TJP1: variants seen among roughly 807,000 people sequenced by gnomAD.
TJP1 encodes tight junction protein 1.
A neutral mutation model predicts 194.2 loss-of-function variants in TJP1; 43 were observed. The observed-to-expected ratio is 0.22, with a 90% confidence interval of 0.17 to 0.29. The LOEUF is 0.29. Ranked by LOEUF, TJP1 falls within the 10% of genes least tolerant of loss-of-function variation. The pLI is 1.00. For synonymous variants in TJP1, 801 were observed against 779.0 expected, an observed-to-expected ratio of 1.03 and a Z score of -0.47; for missense variants, 1,971 against 2,185.7, an observed-to-expected ratio of 0.90 and a Z score of 1.96.
chr15:29,850,729 C>G (rs534452343), intron 2 of TJP1, among the ~76,000 whole-genome samples: 2 of 152,162 alleles, frequency 1.3e-5, no homozygotes, highest in South Asian at 4.2e-4. Context: ...CACCTGCAAT[C>G]CCAGCACTTT....
At chr15:29,922,617 G>T (rs989892686) in intron 2 of TJP1, among the ~76,000 whole-genome samples, 1 of 152,114 alleles carries the variant, frequency 6.6e-6, no homozygotes, top group Non-Finnish European at 1.5e-5. Context: ...ATTGAGGGTT[G>T]TAAGTTTCTT....
intron 1 of TJP1, among the ~76,000 whole-genome samples, chr15:29,816,373 G>C (rs1353927038): frequency 6.6e-6 from 1 of 152,012 alleles, no homozygotes; most frequent in Non-Finnish European, 1.5e-5. Flanking sequence ...ATATAACCTG[G>C]GGGGGAAGAA....
At chr15:29,792,526 A>C (rs1259113994) in intron 2 of TJP1, among the ~76,000 whole-genome samples, 1 of 152,200 alleles carries the variant, frequency 6.6e-6, no homozygotes, top group East Asian at 1.9e-4. Flanking sequence ...ATGTAATGTG[A>C]TTCCTTCAGT....
Position 29,740,027 on chromosome 15 carries a change from A to G in TJP1, c.1256+1304T>C, listed in dbSNP as rs187936221. Among the ~76,000 whole-genome samples, 4 of 151,486 alleles carry G rather than the reference A, an allele frequency of 2.6e-5. No individual in the cohort carries two copies. In the East Asian group the frequency reaches 7.9e-4, roughly 30 times the overall value. On this transcript the variant is annotated intron_variant, in intron 10 of 27. Transcript: ENST00000614355. ...TTTTGAGACGGAGTCTCGCTCTGTC[A>G]CCCAGGCTAGAGTGCAGTGGTGTGA...
intron 2 of TJP1, among the ~76,000 whole-genome samples, chr15:29,838,515 A>G (rs753962592): frequency 1.3e-5 from 2 of 152,228 alleles, no homozygotes; most frequent in Non-Finnish European, 2.9e-5. Flanking sequence ...AGAATACCTT[A>G]CATAACTCTA....
At chr15:29,878,907 G>A (rs1233346091) in intron 2 of TJP1, among the ~76,000 whole-genome samples, 3 of 151,852 alleles carry the variant, frequency 2.0e-5, no homozygotes, top group Admixed American at 6.6e-5. Flanking sequence ...GGTGGATCAC[G>A]AGGTCAAGAG....
chr15:29,921,308 TCCAGCTCACTG>T (rs2054350541), intron 2 of TJP1, among the ~76,000 whole-genome samples: 1 of 152,176 alleles, frequency 6.6e-6, no homozygotes, highest in South Asian at 2.1e-4. Context: ...TTCCTTTCAT[TCCAGCTCACTG>T]CCTCATAGGT....
chr15:29,835,835 T>C (rs1252784249), intron 2 of TJP1, among the ~76,000 whole-genome samples: 1 of 152,116 alleles, frequency 6.6e-6, no homozygotes, highest in Non-Finnish European at 1.5e-5. Flanking sequence ...CGGTCACATA[T>C]TCATTCATTC....
At chr15:29,921,343 G>A (rs2054351645) in intron 2 of TJP1, among the ~76,000 whole-genome samples, 1 of 152,100 alleles carries the variant, frequency 6.6e-6, no homozygotes, top group Non-Finnish European at 1.5e-5. Flanking sequence ...TCCGCTTCAG[G>A]AAGGTATCTA....
chr15:29,721,479 C>T (rs2042924789), intron 18 of TJP1, among the ~76,000 whole-genome samples: 1 of 152,176 alleles, frequency 6.6e-6, no homozygotes, highest in African/African-American at 2.4e-5. Context: ...GAAGCCTGTA[C>T]AGCCTGCAGA....
chr15:29,943,501 G>A (rs368201744), intron 2 of TJP1, among the ~76,000 whole-genome samples: 43 of 151,688 alleles, frequency 2.8e-4, no homozygotes, highest in Non-Finnish European at 4.7e-4. Flanking sequence ...GGTGGCGTGC[G>A]CCTGTAATCT....
At chr15:29,812,800 A>G (rs1176800066) in intron 1 of TJP1, among the ~76,000 whole-genome samples, 2 of 152,208 alleles carry the variant, frequency 1.3e-5, no homozygotes, top group East Asian at 3.9e-4. Context: ...CACTTAGCTC[A>G]GTATCTGTCA....
chr15:29,809,532 G>A (rs1020579237), intron 1 of TJP1, among the ~76,000 whole-genome samples: 1 of 152,114 alleles, frequency 6.6e-6, no homozygotes, highest in African/African-American at 2.4e-5. Flanking sequence ...AAGGAAAGTT[G>A]ACATTTAACA....
At chr15:29,837,584 C>T (rs527548986) in intron 2 of TJP1, among the ~76,000 whole-genome samples, 2 of 152,252 alleles carry the variant, frequency 1.3e-5, no homozygotes, top group African/African-American at 4.8e-5. Flanking sequence ...CAAAAAGTCT[C>T]TATTTGTTAT....
At chr15:29,921,530 A>T (rs1719341) in intron 2 of TJP1, among the ~76,000 whole-genome samples, 1 of 151,956 alleles carries the variant, frequency 6.6e-6, no homozygotes, top group African/African-American at 2.4e-5. Flanking sequence ...TCTGGAGCTG[A>T]GAGTAGGGAC....
intron 7 of TJP1, 106 bp downstream of exon 7, chr15:29,761,495 G>T: frequency 1.4e-6 from 2 of 1,410,702 alleles, no homozygotes; most frequent in African/African-American, 1.4e-5. Context: ...TTTTGAAGGT[G>T]TTTGGCTGGT....
intron 2 of TJP1, among the ~76,000 whole-genome samples, chr15:29,909,297 C>T (rs2053939107): frequency 7.0e-6 from 1 of 143,420 alleles, no homozygotes; most frequent in Non-Finnish European, 1.5e-5. Context: ...GAGATCAGGA[C>T]ACTGCACTCC....
chr15:29,703,667 C>T (rs535604823), intron 27 of TJP1, among the ~76,000 whole-genome samples: 11 of 151,828 alleles, frequency 7.2e-5, no homozygotes, highest in South Asian at 2.1e-4. Context: ...TTTTTTGAGA[C>T]GGTCTCGCTC....
At chr15:29,865,526 C>T (rs1039858149) in intron 2 of TJP1, among the ~76,000 whole-genome samples, 4 of 152,046 alleles carry the variant, frequency 2.6e-5, no homozygotes, top group Non-Finnish European at 4.4e-5. Context: ...GATCAAGTTC[C>T]GAAGAAGTGC....
Sources: gnomAD v4.1 joint callset for allele counts (sites outside exome capture counted in the v4.1 genomes callset) on GRCh38, gnomAD v4.1.1 for gene constraint, MANE v1.5 for transcripts, NCBI Gene and HGNC (gene_info 2026-07-23, HGNC 2026-07-21) for gene names.